Variants in DMRT1 observed in about 807,000 individuals in gnomAD.
The protein encoded by DMRT1 is doublesex and mab-3 related transcription factor 1.
DMRT1 carries 7 observed loss-of-function variants against 32.3 expected under a neutral mutation model. The ratio of observed to expected loss-of-function variants is 0.22; its 90% CI spans 0.12 to 0.41. The LOEUF (loss-of-function observed/expected upper bound fraction) is 0.41, where lower values mean the gene tolerates loss of function less well. DMRT1 is among the 10% of genes least tolerant of loss of function. The pLI is 1.00. For missense variants in DMRT1, 625 were observed against 500.5 expected (o/e 1.25, Z -2.37); for synonymous variants, 278 against 206.1 (o/e 1.35, Z -2.99).
intron 2 of DMRT1, among the ~76,000 whole-genome samples, chr9:889,622 A>T (rs564088801): frequency 6.6e-6 from 1 of 152,330 alleles, no homozygotes; most frequent in East Asian, 1.9e-4. Context: ...CAGAGTTATT[A>T]CTGCCATTAT....
chr9:908,797 T>C (rs186729323), intron 3 of DMRT1, among the ~76,000 whole-genome samples: 16 of 152,302 alleles, frequency 1.1e-4, no homozygotes, highest in African/African-American at 3.6e-4. Context: ...TGCCCTGTTG[T>C]GTGAGCGTCC....
At chr9:891,187 TAA>T (rs774188236) in intron 2 of DMRT1, among the ~76,000 whole-genome samples, 2 of 133,624 alleles carry the variant, frequency 1.5e-5, no homozygotes, top group Admixed American at 7.6e-5. Context: ...ACAAAAAAAT[TAA>T]AAAAAAAAAA....
chr9:945,737 A>G (rs965010911), intron 4 of DMRT1, among the ~76,000 whole-genome samples: 2 of 141,232 alleles, frequency 1.4e-5, no homozygotes, highest in Admixed American at 1.4e-4. Context: ...AAAAAAATAC[A>G]CACTTTTTTT....
At chr9:868,083 T>C (rs374571170) in intron 2 of DMRT1, among the ~76,000 whole-genome samples, 70 of 152,288 alleles carry the variant, frequency 4.6e-4, no homozygotes, top group Middle Eastern at 6.8e-3. Context: ...GCTCAAGCAG[T>C]CCTCCCACCT....
intron 3 of DMRT1, among the ~76,000 whole-genome samples, chr9:911,473 T>A (rs1174551081): frequency 1.4e-3 from 11 of 7,978 alleles, no homozygotes; most frequent in Admixed American, 0.013. Context: ...TAATTGCATT[T>A]TTTTTTTTTT....
intron 2 of DMRT1, among the ~76,000 whole-genome samples, chr9:861,493 A>G (rs1367113759): frequency 6.6e-6 from 1 of 152,228 alleles, no homozygotes; most frequent in Non-Finnish European, 1.5e-5. Flanking sequence ...TAACAATCTG[A>G]TCTTTCTTTT....
intron 3 of DMRT1, among the ~76,000 whole-genome samples, chr9:901,250 C>T (rs180895879): frequency 6.8e-4 from 104 of 152,276 alleles, no homozygotes; most frequent in African/African-American, 2.3e-3. Flanking sequence ...CCTGGACATT[C>T]AAGTGATCTG....
chr9:926,125 TA>T (rs1488023674), intron 4 of DMRT1, among the ~76,000 whole-genome samples: 1 of 151,818 alleles, frequency 6.6e-6, no homozygotes, highest in Non-Finnish European at 1.5e-5. Flanking sequence ...ACTGTCACAG[TA>T]AAAAAACTCA....
rs1354971131 is a variant in DMRT1, at chr9:871,421, G to A, written c.539-22491G>A. ...AATCTCGGCTCACTGCAAGCTCCGC[G>A]TCCCGGGTTCACGCCATTCTCCTGC... On this transcript the variant is annotated intron_variant, in intron 2 of 4. Transcript: ENST00000382276. Among the ~76,000 whole-genome samples the A allele has an allele frequency of 2.7e-5, 4 of 146,920 alleles. No individual in the cohort carries two copies. In the East Asian group the frequency reaches 6.1e-4, roughly 23 times the overall value.
intron 2 of DMRT1, among the ~76,000 whole-genome samples, chr9:851,725 A>G (rs1337513406): frequency 1.3e-5 from 2 of 152,194 alleles, no homozygotes; most frequent in East Asian, 3.9e-4. Flanking sequence ...GGAGGATAAC[A>G]TATATTAGAA....
chr9:916,694 A>G (rs1818194258), intron 3 of DMRT1, 69 bp from the exon 4 acceptor site: 1 of 1,567,852 alleles, frequency 6.4e-7, no homozygotes. Context: ...TTAAAGAACT[A>G]GATAATTATT....
chr9:844,670 G>C (rs923200036), intron 1 of DMRT1, among the ~76,000 whole-genome samples: 1 of 149,482 alleles, frequency 6.7e-6, no homozygotes, highest in Non-Finnish European at 1.5e-5. Context: ...TTGGACTGTG[G>C]TTTTCCTAAA....
intron 4 of DMRT1, among the ~76,000 whole-genome samples, chr9:941,713 A>G (rs1301461133): frequency 1.3e-5 from 2 of 152,220 alleles, no homozygotes; most frequent in Non-Finnish European, 2.9e-5. Context: ...CATGTATTTC[A>G]CCACCAAAAA....
chr9:886,704 T>C (rs959268032), intron 2 of DMRT1, among the ~76,000 whole-genome samples: 1 of 152,186 alleles, frequency 6.6e-6, no homozygotes, highest in African/African-American at 2.4e-5. Flanking sequence ...AAATTTTGTA[T>C]GATAAATTTG....
intron 1 of DMRT1, among the ~76,000 whole-genome samples, chr9:844,451 T>A (rs1318312810): frequency 7.1e-6 from 1 of 140,410 alleles, no homozygotes; most frequent in African/African-American, 3.3e-5. Flanking sequence ...TTGGATGTGC[T>A]TCAGAGGTTT....
In DMRT1 at chr9:841,701, C is replaced by G; in HGVS notation, c.-138C>G. ...GTGGCGTGCCCAGACCTCGCCACTC[C>G]AGCTGCGCCTCCGGCTGCAGCGCAC... is the stretch of plus-strand genomic sequence containing the variant. On this transcript the variant is annotated 5_prime_UTR_variant, in exon 1 of 5. Transcript: ENST00000382276. The G allele has an allele frequency of 1.3e-6, 2 of 1,526,858 alleles. No homozygotes were observed. The highest frequency in any genetic ancestry group is 2.4e-5 in the South Asian group (2 of 82,954). The allele number at this position is 1,526,858 out of a possible 1,614,324, so 94.6% of individuals were successfully genotyped here.
intron 4 of DMRT1, among the ~76,000 whole-genome samples, chr9:943,671 C>A (rs560856346): frequency 1.7e-4 from 26 of 152,148 alleles, no homozygotes; most frequent in Non-Finnish European, 3.4e-4. Flanking sequence ...TGGACTTCTT[C>A]TTCTGCTAGA....
chr9:904,160 T>C (rs1817686968), intron 3 of DMRT1, among the ~76,000 whole-genome samples: 1 of 152,238 alleles, frequency 6.6e-6, no homozygotes, highest in African/African-American at 2.4e-5. Context: ...GATTCTGTAA[T>C]TGGCTTGAAA....
chr9:903,760 A>G (rs1439896179), intron 3 of DMRT1, among the ~76,000 whole-genome samples: 4 of 152,204 alleles, frequency 2.6e-5, no homozygotes, highest in Non-Finnish European at 5.9e-5. Flanking sequence ...GCCTCTGGAT[A>G]CCTGGGGCCC....
Sources: allele counts gnomAD v4.1 joint callset (sites outside exome capture counted in the v4.1 genomes callset), GRCh38; gene constraint gnomAD v4.1.1; transcripts MANE v1.5; gene names NCBI Gene and HGNC (gene_info 2026-07-23, HGNC 2026-07-21).